The following ZC3H13 variants were observed in gnomAD, a reference collection of about 807,000 sequenced individuals.
The protein encoded by ZC3H13 is zinc finger CCCH domain-containing protein 13.
A neutral mutation model predicts 204.1 loss-of-function variants in ZC3H13; 64 were observed. The ratio of observed to expected loss-of-function variants is 0.31; its 90% CI spans 0.26 to 0.39. The LOEUF is 0.39. Among genes scored for constraint, ZC3H13 ranks in the 10% least tolerant of loss-of-function variants. ZC3H13 has a pLI of 1.00. For synonymous variants in ZC3H13, 667 were observed against 693.7 expected, an observed-to-expected ratio of 0.96 and a Z score of 0.60; for missense variants, 1,833 against 2,082.7, an observed-to-expected ratio of 0.88 and a Z score of 2.33.
At chr13:46,011,041 TCTC>T (rs1198719629) in intron 6 of ZC3H13, among the ~76,000 whole-genome samples, 1 of 152,106 alleles carries the variant, frequency 6.6e-6, no homozygotes, top group Non-Finnish European at 1.5e-5. Context: ...AATTTCAAAA[TCTC>T]CTCAGAAAAA....
chr13:45,955,927 T>C lies in ZC3H13; in HGVS notation c.*1200A>G. On this transcript the variant is annotated 3_prime_UTR_variant, in exon 19 of 19. Coordinates refer to ENST00000679008, the MANE Select transcript of ZC3H13 (RefSeq NM_001330564.2). Reference sequence around the variant, plus strand: ...CACAAGTAATATGGGCTTACAATTATAACACAAACCTGTGAGAGGGCATGA... The same window carrying C: ...CACAAGTAATATGGGCTTACAATTACAACACAAACCTGTGAGAGGGCATGA... The C allele has an allele frequency of 6.6e-6, 1 of 152,184 alleles. No homozygotes were observed. The highest frequency in any genetic ancestry group is 1.9e-4 in the East Asian group (1 of 5,202). The allele number at this position is 152,184 out of a possible 1,614,324, so 9.4% of individuals were successfully genotyped here.
intron 13 of ZC3H13, 108 bp downstream of exon 13, chr13:45,970,254 A>T: frequency 1.6e-6 from 2 of 1,251,794 alleles, no homozygotes; most frequent in Non-Finnish European, 2.2e-6. Flanking sequence ...GCAAAGCAAG[A>T]CAACTTTTTA....
Position 46,052,439 on chromosome 13 carries a change from A to G in ZC3H13, c.-45T>C, listed in dbSNP as rs970748347. ...AGCTCCCTTCGCAAGTGCAGTCCGGAGGCACCACCGCCGCCGCCGCTCCGA... is the reference window on the plus strand; with the variant it reads ...AGCTCCCTTCGCAAGTGCAGTCCGGGGGCACCACCGCCGCCGCCGCTCCGA... On this transcript the variant is annotated 5_prime_UTR_variant, in exon 1 of 19. Transcript: ENST00000679008. The G allele has an allele frequency of 1.3e-5, 5 of 397,796 alleles. No individual in the cohort carries two copies. Among genetic ancestry groups the G allele is most frequent in the African/African-American group, 8.2e-5 (4 of 48,502 alleles). The allele number at this position is 397,796 out of a possible 1,614,324, so 24.6% of individuals were successfully genotyped here. A position where few individuals can be genotyped will look rare whatever the true frequency, so the allele number is the denominator to read the frequency against.
intron 3 of ZC3H13, among the ~76,000 whole-genome samples, chr13:46,044,522 T>A (rs931783670): frequency 4.6e-5 from 7 of 152,128 alleles, no homozygotes; most frequent in Non-Finnish European, 8.8e-5. Flanking sequence ...CAAATGCATT[T>A]TAACCTATAG....
At chr13:45,977,726 G>A (rs887105343) in intron 11 of ZC3H13, among the ~76,000 whole-genome samples, 16 of 123,690 alleles carry the variant, frequency 1.3e-4, no homozygotes, top group Admixed American at 5.8e-4. Flanking sequence ...CTTCTTAGAT[G>A]CCTATGTCAT....
intron 8 of ZC3H13, among the ~76,000 whole-genome samples, chr13:45,992,188 A>G (rs2040014489): frequency 6.6e-6 from 1 of 152,168 alleles, no homozygotes; most frequent in Non-Finnish European, 1.5e-5. Context: ...ACATTTTGCA[A>G]GTAGAAATAT....
chr13:46,021,935 G>T (rs1193795740), intron 4 of ZC3H13, among the ~76,000 whole-genome samples: 1 of 151,260 alleles, frequency 6.6e-6, no homozygotes, highest in Non-Finnish European at 1.5e-5. Flanking sequence ...TTAATAGGAG[G>T]TTATCTCCAA....
chr13:45,986,555 A>C (rs538041934), intron 9 of ZC3H13, among the ~76,000 whole-genome samples: 1 of 152,366 alleles, frequency 6.6e-6, no homozygotes, highest in African/African-American at 2.4e-5. Context: ...ATAGAGGCCC[A>C]AAACTTAGAT....
At chr13:46,044,780 T>C (rs1030617147) in intron 3 of ZC3H13, among the ~76,000 whole-genome samples, 175 bp downstream of exon 3, 12 of 152,262 alleles carry the variant, frequency 7.9e-5, no homozygotes, top group African/African-American at 2.9e-4. Context: ...AAAGCAAACA[T>C]TTTATTAATC....
intron 4 of ZC3H13, 36 bp downstream of exon 4, chr13:46,042,128 T>C (rs552237034): frequency 7.9e-6 from 12 of 1,515,402 alleles, no homozygotes; most frequent in Middle Eastern, 1.7e-4. Context: ...AAATCACTAC[T>C]GAAGTTGAAC....
At position 46,010,482 on chromosome 13, in the gene ZC3H13, T is replaced by G. The variant is rs746343167; in HGVS notation, c.612A>C (p.Ser204=). 3.5e-5 allele frequency: 56 copies of G among 1,613,174 alleles called. No homozygotes were observed. The East Asian group carries it at 4.7e-4, about 13-fold the overall frequency. ...TTAGAGAAGGTGACGGGGACAATTT[T>G]GATCTAACCACTTCTGGTGAAACCT... ...KKEVSPEVVR[S]KLSPSPSLRK... The change falls in exon 7 of 19, where the codon TCA becomes TCC. Residue 204 remains serine (S), a synonymous_variant. Coordinates refer to ENST00000679008, the MANE Select transcript of ZC3H13 (RefSeq NM_001330564.2).
chr13:46,010,899 A>G (rs1287089827), intron 6 of ZC3H13, among the ~76,000 whole-genome samples: 3 of 152,072 alleles, frequency 2.0e-5, no homozygotes, highest in Non-Finnish European at 4.4e-5. Context: ...AAAAGTTTGA[A>G]ATAAAAATAA....
rs532638510 is a variant in ZC3H13 at position 46,023,790 on chromosome 13, T to C, written c.340-3233A>G. On this transcript the variant is annotated intron_variant, in intron 4 of 18. Coordinates refer to ENST00000679008, the MANE Select transcript of ZC3H13 (RefSeq NM_001330564.2). ...TCAAAGACCAAATATTCACTCTTGT[T>C]TTCATTTATCACAGCTCCGCTCTGC... Among the ~76,000 whole-genome samples the C allele has an allele frequency of 4.6e-5, 7 of 152,184 alleles. 1 individual carries two copies. In the South Asian group the frequency reaches 1.4e-3, roughly 31 times the overall value.
rs1274309269 is a variant in ZC3H13 at position 45,957,219 on chromosome 13, G to A, written c.4918C>T (p.Arg1640Trp). 12 of 1,548,556 alleles carry A rather than the reference G, an allele frequency of 7.7e-6. No individual in the cohort carries two copies. The highest frequency in any genetic ancestry group is 5.9e-5 in the Admixed American group (3 of 50,874). ...CCTGGAGCATGGCAAGTAGTCTTCC[G>A]CTTAAATAACCGAAGACTCAATCGA... is the stretch of plus-strand genomic sequence containing the variant. The part of the protein sequence containing the change: ...LLRLSLRLFK[R>W]KTTCHAPGHE... The change falls in exon 19 of 19, where the codon CGG becomes TGG. Residue 1640 changes from arginine (R) to tryptophan (W), a missense_variant. This residue lies in a region of ZC3H13 where 211 missense variants were observed against 228.4 expected (regional missense o/e 0.92). Transcript: ENST00000679008.
At chr13:46,017,519 G>A (rs1324297929) in intron 5 of ZC3H13, among the ~76,000 whole-genome samples, 1 of 151,944 alleles carries the variant, frequency 6.6e-6, no homozygotes, top group Non-Finnish European at 1.5e-5. Flanking sequence ...TTGCAAAATA[G>A]TTATTTTTCA....
At position 45,969,589 on chromosome 13, in the gene ZC3H13, T is replaced by A; in HGVS notation, c.2955A>T (p.Thr985=). Residue 985 remains threonine, a synonymous_variant, in exon 14 of 19, where the codon ACA becomes ACT. Coordinates refer to ENST00000679008, the MANE Select transcript of ZC3H13 (RefSeq NM_001330564.2). ...VGIERGNIET[T]SEDGQVFSPK... ...GTGAAAATACTTGACCATCTTCAGA[T>A]GTTGTCTCTATGTTACCCCTCTCTA... 2 of 1,611,560 alleles carry A rather than the reference T, an allele frequency of 1.2e-6. No individual in the cohort carries two copies. The highest frequency in any genetic ancestry group is 1.7e-6 in the Non-Finnish European group (2 of 1,179,506).
chr13:45,958,578 G>A (rs1479303199), intron 18 of ZC3H13, among the ~76,000 whole-genome samples: 3 of 151,346 alleles, frequency 2.0e-5, no homozygotes, highest in African/African-American at 7.3e-5. Flanking sequence ...ATGCTCAAAA[G>A]CTTCGGATTA....
intron 4 of ZC3H13, among the ~76,000 whole-genome samples, chr13:46,021,420 T>A (rs575932671): frequency 6.6e-6 from 1 of 152,058 alleles, no homozygotes; most frequent in Non-Finnish European, 1.5e-5. Context: ...GCAGAAGTCT[T>A]ACTTTTACTA....
intron 15 of ZC3H13, among the ~76,000 whole-genome samples, chr13:45,966,949 T>C (rs1418014526): frequency 1.3e-5 from 2 of 152,150 alleles, no homozygotes; most frequent in African/African-American, 4.8e-5. Flanking sequence ...AACAGAAGCA[T>C]GGAGAGTGAG....
Sources: allele counts gnomAD v4.1 joint callset (sites outside exome capture counted in the v4.1 genomes callset), GRCh38; gene constraint gnomAD v4.1.1; regional missense constraint gnomAD v4.1.1; transcripts MANE v1.5; gene names NCBI Gene and HGNC (gene_info 2026-07-23, HGNC 2026-07-21).